SYNM: variants seen among roughly 807,000 people sequenced by gnomAD.
The protein encoded by SYNM is desmuslin.
Under a neutral mutation model 104.0 loss-of-function variants are expected in SYNM, and 95 were observed. The ratio of observed to expected loss-of-function variants is 0.91; its 90% CI spans 0.77 to 1.08. The LOEUF (loss-of-function observed/expected upper bound fraction) is 1.08, where lower values mean the gene tolerates loss of function less well. Among genes scored for constraint, SYNM ranks in the 50% least tolerant of loss-of-function variants. The probability of loss-of-function intolerance (pLI) is 0.00; values close to 1 mark genes in which losing one functional copy is unlikely to be tolerated. For synonymous variants in SYNM, 918 were observed against 869.0 expected (o/e 1.06, Z -0.99); for missense variants, 2,150 against 2,052.2 (o/e 1.05, Z -0.92).
the SYNM span, chr15:99,140,961 T>A: frequency 6.6e-6 from 1 of 152,186 alleles, no homozygotes; most frequent in Admixed American, 6.5e-5. Context: ...AAACAGATTA[T>A]TCAAAGAGTT....
chr15:99,136,034 C>T (rs911793955), downstream of SYNM, among the ~76,000 whole-genome samples: 1 of 152,160 alleles, frequency 6.6e-6, no homozygotes, highest in Non-Finnish European at 1.5e-5. Flanking sequence ...TAAGGCATGG[C>T]CATTTCTTAG....
intron 2 of SYNM, among the ~76,000 whole-genome samples, chr15:99,114,337 A>G (rs1005567412): frequency 6.6e-6 from 1 of 152,058 alleles, no homozygotes; most frequent in Non-Finnish European, 1.5e-5. Flanking sequence ...CTCACTCCCT[A>G]TCATGAGAAC....
intron 1 of SYNM, among the ~76,000 whole-genome samples, chr15:99,110,192 G>A (rs2067288907): frequency 6.6e-6 from 1 of 152,196 alleles, no homozygotes; most frequent in Non-Finnish European, 1.5e-5. Context: ...ACTGGAAGAA[G>A]GGACTTTCCT....
chr15:99,130,962 G>T lies in SYNM; in HGVS notation c.2602G>T (p.Glu868Ter). ...ESTIRYSWQD[E>*]IVQGTRRRTQ... ...CACCATCAGGTACTCTTGGCAGGAT[G>T]AAATCGTGCAGGGGACTCGAAGGAG... Residue 868 changes from glutamate to a stop codon, truncating the protein, a stop_gained, in exon 4 of 4, where the codon GAA (glutamate) becomes TAA (stop). Coordinates refer to ENST00000336292, the MANE Select transcript of SYNM (RefSeq NM_145728.3). LOFTEE classifies it high-confidence loss of function. 6.2e-7 allele frequency: 1 copy of T among 1,613,898 alleles called. No individual in the cohort carries two copies. Among genetic ancestry groups the T allele is most frequent in the Non-Finnish European group, 8.5e-7 (1 of 1,179,842 alleles).
intron 2 of SYNM, among the ~76,000 whole-genome samples, chr15:99,123,108 C>T (rs1210474396): frequency 1.3e-5 from 2 of 152,286 alleles, no homozygotes; most frequent in African/African-American, 4.8e-5. Context: ...TTAATTCCTA[C>T]TGCAAACCTG....
intron 2 of SYNM, among the ~76,000 whole-genome samples, chr15:99,120,308 C>T (rs2151803912): frequency 6.6e-6 from 1 of 152,206 alleles, no homozygotes; most frequent in Non-Finnish European, 1.5e-5. Context: ...GGGAGGGAGG[C>T]TGATGAGGCA....
chr15:99,106,325 TC>T (rs1220821030), intron 1 of SYNM, among the ~76,000 whole-genome samples: 1 of 152,206 alleles, frequency 6.6e-6, no homozygotes, highest in African/African-American at 2.4e-5. Context: ...CTCTAGGTTT[TC>T]CTTCCATTTT....
chr15:99,126,174 A>C (rs1198816146), intron 2 of SYNM, among the ~76,000 whole-genome samples: 1 of 152,118 alleles, frequency 6.6e-6, no homozygotes, highest in East Asian at 1.9e-4. Flanking sequence ...GTCGTCTCCA[A>C]GGTGACCCCC....
At position 99,110,108 on chromosome 15, in the gene SYNM, G is replaced by A. The variant is rs115199841; in HGVS notation, c.811-3483G>A. 1.0e-3 allele frequency among the ~76,000 whole-genome samples: 152 copies of A among 152,302 alleles called. 1 individual carries two copies. The highest frequency in any genetic ancestry group is 3.3e-3 in the African/African-American group (137 of 41,564). On this transcript the variant is annotated intron_variant, in intron 1 of 3. Coordinates refer to ENST00000336292, the MANE Select transcript of SYNM (RefSeq NM_145728.3). ...CCCCTGCGTTCAAGTTGAAGCCAAC[G>A]GCATTTGCTGCCAGATTGAATGTGA... is the stretch of plus-strand genomic sequence containing the variant.
intron 2 of SYNM, among the ~76,000 whole-genome samples, chr15:99,116,083 C>A (rs1475397740): frequency 1.3e-5 from 2 of 152,242 alleles, no homozygotes; most frequent in Non-Finnish European, 2.9e-5. Flanking sequence ...GGTCCTGGGG[C>A]TAAGGCCATG....
At chr15:99,139,313 T>C (rs782601808), downstream of SYNM, 1 of 1,611,862 alleles carries the variant, frequency 6.2e-7, no homozygotes. Context: ...GGACGCCAAC[T>C]CACGTGGACA....
chr15:99,117,474 G>A (rs1555484070), intron 2 of SYNM, among the ~76,000 whole-genome samples: 1 of 152,246 alleles, frequency 6.6e-6, no homozygotes, highest in African/African-American at 2.4e-5. Context: ...CTGTTCTAGG[G>A]CAGATGCCAG....
rs1451594081 is a variant in SYNM, at chr15:99,126,883, G to A, written c.1006+91G>A. The A allele has an allele frequency of 1.2e-5, 14 of 1,179,420 alleles. No individual in the cohort carries two copies. The South Asian group carries it at 2.0e-4, about 17-fold the overall frequency. 73.1% of individuals were successfully genotyped at this position (1,179,420 alleles called of 1,614,324 possible). ...GTAAAGCACCATCATCGGGAAGAAC[G>A]GGTTAGATATGGTGTTTAGATAACA... On this transcript the variant is annotated intron_variant, in intron 3 of 3. Coordinates refer to ENST00000336292, the MANE Select transcript of SYNM (RefSeq NM_145728.3).
intron 2 of SYNM, among the ~76,000 whole-genome samples, chr15:99,118,295 C>T (rs914326746): frequency 6.6e-6 from 1 of 152,246 alleles, no homozygotes; most frequent in African/African-American, 2.4e-5. Context: ...TGCACTGCTC[C>T]GATTCGGAGG....
intron 3 of SYNM, among the ~76,000 whole-genome samples, chr15:99,128,265 G>A (rs571516900): frequency 3.5e-4 from 53 of 152,252 alleles, no homozygotes; most frequent in Middle Eastern, 3.4e-3. Context: ...TTATAATATT[G>A]CATAAAATAA....
At position 99,130,898 on chromosome 15, in the gene SYNM, C is replaced by T. The variant is rs368060875; in HGVS notation, c.2538C>T (p.Asp846=). 28 of 1,613,734 alleles carry T rather than the reference C, an allele frequency of 1.7e-5. No individual in the cohort carries two copies. Among genetic ancestry groups the T allele is most frequent in the South Asian group, 9.9e-5 (9 of 91,066 alleles). ...DEHPGGHDRD[D]GSVYGQIHIE... Reference sequence around the variant, plus strand: ...ACCCCGGGGGGCACGACAGAGATGACGGCTCGGTGTACGGGCAGATCCACA... The same window carrying T: ...ACCCCGGGGGGCACGACAGAGATGATGGCTCGGTGTACGGGCAGATCCACA... The change falls in exon 4 of 4, where the codon GAC becomes GAT. Residue 846 remains aspartate, a synonymous_variant. Transcript: ENST00000336292.
In SYNM at chr15:99,132,260, G is replaced by A. The variant is rs1271999227; in HGVS notation, c.3900G>A (p.Gly1300=). ...TAGGAGATTCTGTACACATGGAAGG[G>A]TTGCCAGGGAGCAGCACATCCATCA... The part of the protein sequence containing the change: ...GVIGDSVHME[G]LPGSSTSIRH... Residue 1300 remains glycine (G), a synonymous_variant, in exon 4 of 4, where the codon GGG becomes GGA. Transcript: ENST00000336292. 3.7e-6 allele frequency: 6 copies of A among 1,608,218 alleles called. No individual in the cohort carries two copies. The highest frequency in any genetic ancestry group is 1.7e-5 in the Admixed American group (1 of 59,798).
downstream of SYNM, chr15:99,139,793 T>C: frequency 1.6e-6 from 2 of 1,255,402 alleles, no homozygotes; most frequent in South Asian, 1.3e-5. Context: ...AAACACATAC[T>C]CTACTTTTAT....
intron 1 of SYNM, 48 bp downstream of exon 1, chr15:99,106,057 C>T (rs558564157): frequency 7.3e-7 from 1 of 1,377,170 alleles, no homozygotes; most frequent in Non-Finnish European, 9.3e-7. Context: ...CTGCCGTCGC[C>T]CCAGCACCCT....
Sources: gnomAD v4.1 joint callset for allele counts (sites outside exome capture counted in the v4.1 genomes callset) on GRCh38, gnomAD v4.1.1 for gene constraint, MANE v1.5 for transcripts, NCBI Gene and HGNC (gene_info 2026-07-23, HGNC 2026-07-21) for gene names.